Variants in SRGAP3 observed in about 807,000 individuals in gnomAD.
SRGAP3 encodes the protein SLIT-ROBO Rho GTPase activating protein 3.
A neutral mutation model predicts 121.1 loss-of-function variants in SRGAP3; 39 were observed. That is an observed-to-expected ratio of 0.32 (90% CI 0.25 to 0.42). SRGAP3 has a LOEUF of 0.42. Among genes scored for constraint, SRGAP3 ranks in the 10% least tolerant of loss-of-function variants. The pLI is 1.00. For synonymous variants in SRGAP3, 601 were observed against 570.0 expected (o/e 1.05, Z -0.77); for missense variants, 1,213 against 1,470.6 (o/e 0.82, Z 2.86).
At chr3:9,317,985 A>G in intron 3 of SRGAP3, among the ~76,000 whole-genome samples, 1 of 152,238 alleles carries the variant, frequency 6.6e-6, no homozygotes, top group East Asian at 1.9e-4. Flanking sequence ...TCTACTGCAC[A>G]GTTGTACACA....
rs1941590316 is a variant in SRGAP3 at position 8,984,766 on chromosome 3, T to C, written c.*753A>G. 1 of 231,990 alleles carries C rather than the reference T, an allele frequency of 4.3e-6. No homozygotes were observed. Among genetic ancestry groups the C allele is most frequent in the African/African-American group, 2.2e-5 (1 of 45,336 alleles). 14.4% of individuals were successfully genotyped at this position (231,990 alleles called of 1,614,324 possible). A position where few individuals can be genotyped will look rare whatever the true frequency, so the allele number is the denominator to read the frequency against. On this transcript the variant is annotated 3_prime_UTR_variant, in exon 22 of 22. Transcript: ENST00000383836. Reference sequence around the variant, plus strand: ...GATTTCCTATGAAGGGTTCCCCACCTCTGGGAGCAGCCTGCTTGGGGGTAC... The same window carrying C: ...GATTTCCTATGAAGGGTTCCCCACCCCTGGGAGCAGCCTGCTTGGGGGTAC...
chr3:9,271,931 C>G (rs987094529), intron 3 of SRGAP3, among the ~76,000 whole-genome samples: 11 of 152,194 alleles, frequency 7.2e-5, no homozygotes, highest in African/African-American at 2.4e-4. Context: ...CTGCTCCATT[C>G]TGGAATTATA....
chr3:9,081,697 T>C (rs1453834277), intron 3 of SRGAP3, among the ~76,000 whole-genome samples: 3 of 152,234 alleles, frequency 2.0e-5, no homozygotes, highest in African/African-American at 7.2e-5. Context: ...CCTATTTCCA[T>C]GAAGTGGCTT....
Position 9,071,640 on chromosome 3 carries a change from GTGGATGGATGGA to G in SRGAP3, c.487-7071_487-7060del, listed in dbSNP as rs3067636. On this transcript the variant is annotated intron_variant, in intron 4 of 21. Coordinates refer to ENST00000383836, the MANE Select transcript of SRGAP3 (RefSeq NM_014850.4). ...GTGGGAGAGAGACTGATTCTCAAAG[GTGGATGGATGGA>G]TGGATGGATGGATGGATGGATGGAT... Among the ~76,000 whole-genome samples the G allele has an allele frequency of 3.7e-3, 540 of 144,924 alleles. 3 individuals are homozygous for G. Among genetic ancestry groups the G allele is most frequent in the African/African-American group, 0.011 (412 of 38,496 alleles).
chr3:9,155,219 G>A (rs1004662057), intron 1 of SRGAP3, among the ~76,000 whole-genome samples: 2 of 152,134 alleles, frequency 1.3e-5, no homozygotes, highest in Non-Finnish European at 2.9e-5. Context: ...GCATTTTCAG[G>A]ATTCTTCCTA....
intron 1 of SRGAP3, among the ~76,000 whole-genome samples, chr3:9,210,699 G>A (rs1000963524): frequency 4.6e-5 from 7 of 151,884 alleles, no homozygotes; most frequent in African/African-American, 1.5e-4. Flanking sequence ...GGGTGGTGGC[G>A]CATGCCTATA....
intron 4 of SRGAP3, among the ~76,000 whole-genome samples, chr3:9,067,439 C>A (rs911182756): frequency 1.3e-5 from 2 of 151,960 alleles, no homozygotes; most frequent in African/African-American, 4.8e-5. Context: ...CTCCAAAAAA[C>A]CCCCTTCTTG....
chr3:9,194,048 T>C (rs1278452472), intron 1 of SRGAP3: 1 of 152,208 alleles, frequency 6.6e-6, no homozygotes, highest in Non-Finnish European at 1.5e-5. Context: ...TATTCAACAG[T>C]TACAAAGGCC....
chr3:9,151,294 G>A (rs989015956), intron 1 of SRGAP3, among the ~76,000 whole-genome samples: 1 of 152,194 alleles, frequency 6.6e-6, no homozygotes, highest in Non-Finnish European at 1.5e-5. Context: ...GGGCACGGAG[G>A]TGGGGAGCCC....
intron 4 of SRGAP3, among the ~76,000 whole-genome samples, chr3:9,067,882 C>A (rs567004330): frequency 6.6e-6 from 1 of 152,092 alleles, no homozygotes; most frequent in African/African-American, 2.4e-5. Context: ...ATGAAATCAG[C>A]AAGAAGGGGG....
At chr3:9,171,114 C>T (rs909878917) in intron 1 of SRGAP3, among the ~76,000 whole-genome samples, 3 of 152,220 alleles carry the variant, frequency 2.0e-5, no homozygotes, top group Non-Finnish European at 2.9e-5. Context: ...AACCCAAGAA[C>T]CCCTGAGGCC....
At chr3:9,268,370 A>G (rs1954408779) in intron 3 of SRGAP3, among the ~76,000 whole-genome samples, 1 of 151,850 alleles carries the variant, frequency 6.6e-6, no homozygotes, top group Non-Finnish European at 1.5e-5. Flanking sequence ...CCATATGAGG[A>G]CACAGTAAGG....
At chr3:9,214,734 G>A (rs921423296) in intron 1 of SRGAP3, among the ~76,000 whole-genome samples, 1 of 152,186 alleles carries the variant, frequency 6.6e-6, no homozygotes, top group Admixed American at 6.5e-5. Flanking sequence ...TGATTCAGAT[G>A]AAGGACCAGG....
intron 3 of SRGAP3, among the ~76,000 whole-genome samples, chr3:9,287,977 T>A (rs1199235563): frequency 6.6e-6 from 1 of 152,172 alleles, no homozygotes; most frequent in East Asian, 1.9e-4. Context: ...TTCCTGAATG[T>A]ATGGACAGGT....
At chr3:9,017,815 G>C (rs1345033327) in intron 14 of SRGAP3, among the ~76,000 whole-genome samples, 1 of 152,074 alleles carries the variant, frequency 6.6e-6, no homozygotes, top group Non-Finnish European at 1.5e-5. Context: ...GGGTATTTGA[G>C]GTATCCATCA....
At chr3:9,346,143 GCA>G (rs1955887243) in intron 1 of SRGAP3, among the ~76,000 whole-genome samples, 1 of 151,986 alleles carries the variant, frequency 6.6e-6, no homozygotes, top group Admixed American at 6.5e-5. Flanking sequence ...ATTTCTTACT[GCA>G]CATGTGAAAA....
intron 10 of SRGAP3, among the ~76,000 whole-genome samples, chr3:9,046,691 T>C (rs1945295517): frequency 1.3e-5 from 2 of 152,162 alleles, no homozygotes; most frequent in African/African-American, 4.8e-5. Flanking sequence ...TTGCAAATAG[T>C]GTCTGCTGAA....
At chr3:9,141,562 GTGT>G (rs1949850942) in intron 1 of SRGAP3, among the ~76,000 whole-genome samples, 1 of 106,032 alleles carries the variant, frequency 9.4e-6, no homozygotes, top group Non-Finnish European at 1.9e-5. Flanking sequence ...GGGTGTGTGT[GTGT>G]GTGTGTGTGT....
At chr3:9,247,709 T>C (rs142882673) in intron 1 of SRGAP3, among the ~76,000 whole-genome samples, 11 of 152,276 alleles carry the variant, frequency 7.2e-5, no homozygotes, top group East Asian at 1.9e-4. Flanking sequence ...ACCTCAAAGA[T>C]AGGCCTCAAG....
Sources: allele counts gnomAD v4.1 joint callset (sites outside exome capture counted in the v4.1 genomes callset), GRCh38; gene constraint gnomAD v4.1.1; transcripts MANE v1.5; gene names NCBI Gene and HGNC (gene_info 2026-07-23, HGNC 2026-07-21).